The following ANKRD17 variants were observed in gnomAD, a reference collection of about 807,000 sequenced individuals.
ANKRD17 encodes ankyrin repeat domain-containing protein 17.
In ANKRD17, 19 loss-of-function variants were observed where a neutral mutation model predicts 229.7. The ratio of observed to expected loss-of-function variants is 0.08; its 90% confidence interval spans 0.06 to 0.12. ANKRD17 has a LOEUF of 0.12. ANKRD17 is among the 10% of genes least tolerant of loss of function. ANKRD17 has a pLI of 1.00. For synonymous variants in ANKRD17, 1,112 were observed against 1,146.1 expected (o/e 0.97, Z 0.60); for missense variants, 2,176 against 3,176.8 (o/e 0.68, Z 7.57).
intron 1 of ANKRD17, among the ~76,000 whole-genome samples, chr4:73,178,831 C>T (rs761295219): frequency 3.3e-5 from 5 of 151,942 alleles, no homozygotes; most frequent in Non-Finnish European, 5.9e-5. Context: ...GTGCTACTTA[C>T]AAATAGGTAC....
At chr4:73,135,833 A>T (rs886094397) in intron 15 of ANKRD17, among the ~76,000 whole-genome samples, 9 of 152,202 alleles carry the variant, frequency 5.9e-5, no homozygotes, top group African/African-American at 2.2e-4. Context: ...GGATATTCAA[A>T]TATAAAAATT....
chr4:73,125,076 T>A lies in ANKRD17; in HGVS notation c.3347-18A>T, dbSNP rs1303545848. 1.2e-6 allele frequency: 2 copies of A among 1,613,874 alleles called. No individual in the cohort carries two copies. The highest frequency in any genetic ancestry group is 1.3e-5 in the African/African-American group (1 of 75,024). Reference sequence around the variant, plus strand: ...AGTAAAACCTGGAGAAAAATAATGATCTTCTCACTACATGCTAAGGCAAAA... The same window carrying A: ...AGTAAAACCTGGAGAAAAATAATGAACTTCTCACTACATGCTAAGGCAAAA... On this transcript the variant is annotated intron_variant, in intron 17 of 33. Transcript: ENST00000358602.
intron 1 of ANKRD17, among the ~76,000 whole-genome samples, chr4:73,225,974 T>A (rs1035488685): frequency 1.2e-4 from 3 of 25,164 alleles, no homozygotes; most frequent in African/African-American, 3.2e-4. Flanking sequence ...GCTCTTAAGC[T>A]TTTTTTTTTT....
At chr4:73,179,488 G>GTGTGTGTA (rs1491132715) in intron 1 of ANKRD17, among the ~76,000 whole-genome samples, 1 of 48,240 alleles carries the variant, frequency 2.1e-5, no homozygotes, top group South Asian at 7.8e-4. Flanking sequence ...GTGTGTGTGT[G>GTGTGTGTA]TATATATATA....
chr4:73,187,963 G>T (rs1364701212), intron 1 of ANKRD17, among the ~76,000 whole-genome samples: 1 of 152,132 alleles, frequency 6.6e-6, no homozygotes, highest in Non-Finnish European at 1.5e-5. Flanking sequence ...AGAAATAGAA[G>T]TAATTAACTG....
chr4:73,240,934 G>A (rs112362899), intron 1 of ANKRD17, among the ~76,000 whole-genome samples: 8 of 149,068 alleles, frequency 5.4e-5, no homozygotes, highest in African/African-American at 1.2e-4. Flanking sequence ...TCAGCCTCCC[G>A]AGTAGCTGGG....
rs35160047 is a variant in ANKRD17, at chr4:73,250,589, C to CAAAAAAAAAAAA, written c.393+7675_393+7686dup. 6.0e-3 allele frequency among the ~76,000 whole-genome samples: 175 copies of CAAAAAAAAAAAA among 29,402 alleles called. 32 individuals carry two copies. Among genetic ancestry groups the CAAAAAAAAAAAA allele is most frequent in the African/African-American group, 0.021 (122 of 5,932 alleles). The allele number at this position is 29,402 out of a possible 152,430, so 19.3% of individuals were successfully genotyped here. On this transcript the variant is annotated intron_variant, in intron 1 of 33. Coordinates refer to ENST00000358602, the MANE Select transcript of ANKRD17 (RefSeq NM_032217.5). Reference sequence around the variant, plus strand: ...CACTCCAGCATAGATGACCTTGTCTCAAAAAAAAAAAAAAAAAAAAAAAAA... The same window carrying CAAAAAAAAAAAA: ...CACTCCAGCATAGATGACCTTGTCTCAAAAAAAAAAAAAAAAAAAAAAAAAAAAAAAAAAAAA...
chr4:73,155,036 G>A (rs865921024), intron 5 of ANKRD17, among the ~76,000 whole-genome samples: 35 of 138,856 alleles, frequency 2.5e-4, no homozygotes, highest in African/African-American at 8.6e-4. Context: ...GCGAGACTCC[G>A]TCTCAAAAAA....
At chr4:73,169,648 G>A (rs1733707405) in intron 2 of ANKRD17, among the ~76,000 whole-genome samples, 2 of 152,054 alleles carry the variant, frequency 1.3e-5, no homozygotes, top group South Asian at 4.1e-4. Flanking sequence ...TTTTGACTTC[G>A]CATTGCTGAA....
At chr4:73,246,947 G>A (rs943299586) in intron 1 of ANKRD17, among the ~76,000 whole-genome samples, 1 of 152,106 alleles carries the variant, frequency 6.6e-6, no homozygotes, top group Non-Finnish European at 1.5e-5. Flanking sequence ...GAGTGAGGAA[G>A]TTCTCCAGAA....
At chr4:73,198,360 T>G (rs1738178702) in intron 1 of ANKRD17, among the ~76,000 whole-genome samples, 1 of 152,190 alleles carries the variant, frequency 6.6e-6, no homozygotes, top group Admixed American at 6.5e-5. Context: ...AAATTTGGTA[T>G]ACTGCAAAGT....
rs1722782328 is a variant in ANKRD17, at chr4:73,091,387, T to C, written c.6241A>G (p.Ser2081Gly). ...TTTGTTGTTTCTACTACTGGTGGACTACCTGCTTCCTGTTCGGAGGAAGAT... is the reference window on the plus strand; with the variant it reads ...TTTGTTGTTTCTACTACTGGTGGACCACCTGCTTCCTGTTCGGAGGAAGAT... Reference protein sequence around the residue: ...VASSSEQEAGSPPVVETTNTR... With the variant: ...VASSSEQEAGGPPVVETTNTR... The change falls in exon 29 of 34, where the codon AGT becomes GGT. Residue 2081 changes from serine to glycine, a missense_variant. By Grantham distance (56) the Ser-to-Gly change is moderately conservative. Around this residue, in one of 18 missense-constraint regions of ANKRD17, gnomAD observed 424 missense variants for 454.0 expected, o/e 0.93. Coordinates refer to ENST00000358602, the MANE Select transcript of ANKRD17 (RefSeq NM_032217.5). 2 of 1,614,038 alleles carry C rather than the reference T, an allele frequency of 1.2e-6. No homozygotes were observed. Among genetic ancestry groups the C allele is most frequent in the African/African-American group, 1.3e-5 (1 of 74,928 alleles).
At chr4:73,208,651 C>A (rs1033048095) in intron 1 of ANKRD17, among the ~76,000 whole-genome samples, 1 of 152,038 alleles carries the variant, frequency 6.6e-6, no homozygotes, top group Non-Finnish European at 1.5e-5. Context: ...CAAGGAAACC[C>A]CAGTTAAGAC....
At position 73,179,509 on chromosome 4, in the gene ANKRD17, T is replaced by TAC. The variant is rs1560665843; in HGVS notation, c.394-1977_394-1976insGT. ...GTGTGTATATATATATATATATATA[T>TAC]ATATATATATTTTTTTTTTTTTTTT... On this transcript the variant is annotated intron_variant, in intron 1 of 33. Transcript: ENST00000358602. Among the ~76,000 whole-genome samples, 31 of 85,074 alleles carry TAC rather than the reference T, an allele frequency of 3.6e-4. 1 individual carries two copies. The highest frequency in any genetic ancestry group is 7.5e-5 in the Non-Finnish European group (3 of 39,850). 55.8% of individuals were successfully genotyped at this position (85,074 alleles called of 152,430 possible). A position where few individuals can be genotyped will look rare whatever the true frequency, so the allele number is the denominator to read the frequency against.
intron 1 of ANKRD17, among the ~76,000 whole-genome samples, chr4:73,250,903 C>A (rs1560789313): frequency 6.6e-6 from 1 of 152,006 alleles, no homozygotes; most frequent in Non-Finnish European, 1.5e-5. Flanking sequence ...TCTGATGTTT[C>A]AAATGTAAAA....
At chr4:73,078,928 C>A (rs766718104) in intron 30 of ANKRD17, 38 bp from the exon 31 acceptor site, 20 of 1,554,056 alleles carry the variant, frequency 1.3e-5, no homozygotes, top group Non-Finnish European at 1.7e-5. Context: ...TACAGGTCAT[C>A]TATAGAACAT....
chr4:73,121,233 G>C (rs1264801257), intron 19 of ANKRD17, 139 bp from the exon 20 acceptor site: 2 of 770,288 alleles, frequency 2.6e-6, no homozygotes, highest in African/African-American at 3.5e-5. Context: ...ACCTTAGTAA[G>C]TCTCTGAGAT....
intron 1 of ANKRD17, among the ~76,000 whole-genome samples, chr4:73,255,835 T>C (rs1456280591): frequency 1.3e-5 from 2 of 152,156 alleles, no homozygotes; most frequent in East Asian, 3.8e-4. Flanking sequence ...GCAATTCTCC[T>C]GCCTCAGCCT....
At chr4:73,233,004 T>A (rs1465124748) in intron 1 of ANKRD17, among the ~76,000 whole-genome samples, 7 of 152,240 alleles carry the variant, frequency 4.6e-5, no homozygotes, top group Admixed American at 4.6e-4. Context: ...ATTATAAGCA[T>A]GAGCCTCTGT....
Sources: allele counts gnomAD v4.1 joint callset (sites outside exome capture counted in the v4.1 genomes callset), GRCh38; gene constraint gnomAD v4.1.1; regional missense constraint gnomAD v4.1.1; transcripts MANE v1.5; gene names NCBI Gene and HGNC (gene_info 2026-07-23, HGNC 2026-07-21).